Variants in SH2D4B observed in about 807,000 individuals in gnomAD.
The protein encoded by SH2D4B is SH2 domain-containing protein 4B.
Under a neutral mutation model 61.5 loss-of-function variants are expected in SH2D4B, and 45 were observed. The observed-to-expected ratio is 0.73, with a 90% CI of 0.58 to 0.94. The LOEUF is 0.94. SH2D4B is among the 40% of genes least tolerant of loss of function. SH2D4B has a pLI of 0.00. For synonymous variants in SH2D4B, 224 were observed against 220.4 expected (o/e 1.02, Z -0.14); for missense variants, 572 against 574.2 (o/e 1.00, Z 0.04).
chr10:80,558,462 T>C (rs1437028502), intron 1 of SH2D4B, among the ~76,000 whole-genome samples: 1 of 151,710 alleles, frequency 6.6e-6, no homozygotes, highest in African/African-American at 2.4e-5. Context: ...TAATATGCCA[T>C]ATAATGATCA....
At chr10:80,636,712 T>C (rs7920944) in intron 7 of SH2D4B, among the ~76,000 whole-genome samples, 6,764 of 152,304 alleles carry the variant, frequency 0.044, 325 homozygotes, top group African/African-American at 0.12. Flanking sequence ...CTTTGTCAGA[T>C]GGGTAGATTG....
chr10:80,577,516 T>C (rs187445785), intron 3 of SH2D4B, among the ~76,000 whole-genome samples: 128 of 151,024 alleles, frequency 8.5e-4, no homozygotes, highest in African/African-American at 3.0e-3. Context: ...AAGCTCCACC[T>C]CCCAGGTTCA....
At chr10:80,544,238 G>A (rs964843759) in intron 1 of SH2D4B, among the ~76,000 whole-genome samples, 15 of 152,056 alleles carry the variant, frequency 9.9e-5, no homozygotes, top group Admixed American at 4.6e-4. Flanking sequence ...CTCCAGAGGC[G>A]CCGCCTTAAG....
intron 3 of SH2D4B, among the ~76,000 whole-genome samples, chr10:80,588,331 T>G (rs1235606829): frequency 6.6e-6 from 1 of 152,110 alleles, no homozygotes; most frequent in Non-Finnish European, 1.5e-5. Flanking sequence ...TCTGGTGAGT[T>G]TCAGTAATTT....
chr10:80,586,014 C>T (rs1842242502), intron 3 of SH2D4B, among the ~76,000 whole-genome samples: 1 of 152,190 alleles, frequency 6.6e-6, no homozygotes, highest in Non-Finnish European at 1.5e-5. Flanking sequence ...GGGCTTAGCA[C>T]CCAGGCCAGC....
intron 3 of SH2D4B, among the ~76,000 whole-genome samples, chr10:80,588,397 CAAAT>C (rs1418459692): frequency 6.6e-6 from 1 of 152,062 alleles, no homozygotes; most frequent in Non-Finnish European, 1.5e-5. Flanking sequence ...TCAAATAAAA[CAAAT>C]ATAAGTTTCA....
At chr10:80,560,777 G>T (rs571146064) in intron 1 of SH2D4B, among the ~76,000 whole-genome samples, 1 of 120,896 alleles carries the variant, frequency 8.3e-6, no homozygotes, top group Non-Finnish European at 1.6e-5. Context: ...TCAAAGTGTT[G>T]TTCCTGAATT....
At chr10:80,637,654 G>T (rs997578255) in intron 7 of SH2D4B, among the ~76,000 whole-genome samples, 1 of 152,222 alleles carries the variant, frequency 6.6e-6, no homozygotes, top group Non-Finnish European at 1.5e-5. Context: ...AGACTTTGCT[G>T]AAGTTGCTTA....
chr10:80,545,242 G>C (rs1423956237), intron 1 of SH2D4B, among the ~76,000 whole-genome samples: 1 of 152,020 alleles, frequency 6.6e-6, no homozygotes, highest in Non-Finnish European at 1.5e-5. Context: ...GCCATGAATG[G>C]TCACTCCCTA....
Position 80,587,228 on chromosome 10 carries a change from T to A in SH2D4B, c.496-1402T>A, listed in dbSNP as rs1842269931. Reference sequence around the variant, plus strand: ...TCGGCTCACTGCAACCTCTGCCTCCTGGGTTCAAGCCATTCTCGTGCCTCT... The same window carrying A: ...TCGGCTCACTGCAACCTCTGCCTCCAGGGTTCAAGCCATTCTCGTGCCTCT... On this transcript the variant is annotated intron_variant, in intron 3 of 7. Transcript: ENST00000646907. Among the ~76,000 whole-genome samples the A allele has an allele frequency of 2.1e-5, 3 of 144,980 alleles. No individual in the cohort carries two copies. The South Asian group carries it at 6.8e-4, about 33-fold the overall frequency.
intron 1 of SH2D4B, among the ~76,000 whole-genome samples, chr10:80,559,804 A>ATTTTT (rs906781004): frequency 6.6e-6 from 1 of 150,868 alleles, no homozygotes. Context: ...CGTCTGGCTA[A>ATTTTT]TTTTTTTACA....
intron 1 of SH2D4B, among the ~76,000 whole-genome samples, chr10:80,550,651 A>C (rs980460775): frequency 6.6e-6 from 1 of 152,186 alleles, no homozygotes; most frequent in African/African-American, 2.4e-5. Context: ...GCTGTAAATT[A>C]AACTATGATA....
At chr10:80,629,019 G>C (rs1438850074) in intron 6 of SH2D4B, among the ~76,000 whole-genome samples, 1 of 107,630 alleles carries the variant, frequency 9.3e-6, no homozygotes, top group African/African-American at 4.9e-5. Context: ...GACAGAGCGA[G>C]ACTCTATCTC....
chr10:80,640,611 G>A (rs533139936), intron 7 of SH2D4B, among the ~76,000 whole-genome samples: 7 of 152,246 alleles, frequency 4.6e-5, no homozygotes, highest in African/African-American at 1.7e-4. Context: ...GCATCACACA[G>A]TTCTCATGCC....
At chr10:80,563,943 T>C (rs1841937277) in intron 1 of SH2D4B, among the ~76,000 whole-genome samples, 1 of 152,358 alleles carries the variant, frequency 6.6e-6, no homozygotes, top group South Asian at 2.1e-4. Flanking sequence ...AAAATTGTCC[T>C]GGATTTCCAT....
chr10:80,582,503 C>A (rs533008089), intron 3 of SH2D4B, among the ~76,000 whole-genome samples: 1 of 152,162 alleles, frequency 6.6e-6, no homozygotes, highest in Non-Finnish European at 1.5e-5. Flanking sequence ...CCAGGACCCC[C>A]GCACTGGGGC....
At chr10:80,543,438 C>T (rs150836972) in intron 1 of SH2D4B, among the ~76,000 whole-genome samples, 1,785 of 152,282 alleles carry the variant, frequency 0.012, 31 homozygotes, top group African/African-American at 0.039. Context: ...CGGGCCTTAG[C>T]TGCCTTCCCG....
intron 1 of SH2D4B, among the ~76,000 whole-genome samples, chr10:80,563,578 CATT>C (rs1841933055): frequency 6.6e-6 from 1 of 152,038 alleles, no homozygotes; most frequent in Admixed American, 6.6e-5. Flanking sequence ...TAGAATACAT[CATT>C]ATTTTTCATT....
intron 6 of SH2D4B, among the ~76,000 whole-genome samples, chr10:80,629,036 A>AAAAAG (rs1842798760): frequency 6.9e-6 from 1 of 144,878 alleles, no homozygotes. Flanking sequence ...TCTCAAAAAA[A>AAAAAG]AAAAAGAAAA....
Sources: allele counts gnomAD v4.1 joint callset (sites outside exome capture counted in the v4.1 genomes callset), GRCh38; gene constraint gnomAD v4.1.1; transcripts MANE v1.5; gene names NCBI Gene and HGNC (gene_info 2026-07-23, HGNC 2026-07-21).